AEBP2: variants seen among roughly 807,000 people sequenced by gnomAD.
The protein encoded by AEBP2 is zinc finger protein AEBP2.
A neutral mutation model predicts 50.8 loss-of-function variants in AEBP2; 10 were observed. The ratio of observed to expected loss-of-function variants is 0.20; its 90% CI spans 0.12 to 0.33. The LOEUF (loss-of-function observed/expected upper bound fraction) is 0.33. Ranked by LOEUF, AEBP2 falls within the 10% of genes least tolerant of loss-of-function variation. The pLI, the probability that AEBP2 is intolerant of heterozygous loss-of-function variation, is 1.00. For missense variants in AEBP2, 570 were observed against 688.0 expected (o/e 0.83, Z 1.92); for synonymous variants, 296 against 261.3 (o/e 1.13, Z -1.28).
At chr12:19,470,328 T>C (rs1434019464) in intron 2 of AEBP2, among the ~76,000 whole-genome samples, 1 of 152,130 alleles carries the variant, frequency 6.6e-6, no homozygotes, top group South Asian at 2.1e-4. Context: ...CGGCTAATTT[T>C]GTATTTTCAG....
chr12:19,519,672 A>G lies in AEBP2; in HGVS notation c.*1555A>G, dbSNP rs577972546. ...TTTACACTAAATTTTTTAAAGAAAT[A>G]TTAGACAAAAATATAGAATTAAAAC... On this transcript the variant is annotated 3_prime_UTR_variant, in exon 8 of 8. Transcript: ENST00000266508. The G allele has an allele frequency of 6.5e-6, 1 of 152,746 alleles. No individual in the cohort carries two copies. The highest frequency in any genetic ancestry group is 1.9e-4 in the East Asian group (1 of 5,192). The allele number at this position is 152,746 out of a possible 1,614,324, so 9.5% of individuals were successfully genotyped here.
At chr12:19,445,466 G>A (rs544558485) in intron 1 of AEBP2, among the ~76,000 whole-genome samples, 3 of 150,984 alleles carry the variant, frequency 2.0e-5, no homozygotes, top group Admixed American at 6.6e-5. Flanking sequence ...CGCTTGCCTC[G>A]GCCTCCCAAA....
intron 5 of AEBP2, among the ~76,000 whole-genome samples, chr12:19,511,211 T>A (rs991452785): frequency 2.0e-5 from 3 of 152,096 alleles, no homozygotes; most frequent in Non-Finnish European, 2.9e-5. Flanking sequence ...TAGAGTGGGA[T>A]TTGTTTTGTT....
intron 1 of AEBP2, 122 bp downstream of exon 1, chr12:19,440,492 C>T (rs992944704): frequency 7.1e-7 from 1 of 1,411,622 alleles, no homozygotes; most frequent in South Asian, 1.6e-5. Flanking sequence ...GCCCCTCCCC[C>T]AGACTCTCAA....
At chr12:19,488,658 A>G (rs1054842327) in intron 3 of AEBP2, among the ~76,000 whole-genome samples, 15 of 152,208 alleles carry the variant, frequency 9.9e-5, no homozygotes, top group Non-Finnish European at 1.0e-4. Context: ...GACTTCTGGG[A>G]ATATGAATAA....
Position 19,441,109 on chromosome 12 carries a change from A to G in AEBP2, c.671+739A>G, listed in dbSNP as rs560694724. 6.6e-5 allele frequency among the ~76,000 whole-genome samples: 10 copies of G among 152,378 alleles called. 1 individual carries two copies. The highest frequency in any genetic ancestry group is 1.9e-4 in the East Asian group (1 of 5,196). The stretch of plus-strand genomic sequence containing the variant: ...CGTAACAAAATACAGTCTTGAAGGT[A>G]CAACGTAGTTTGCGGCTTTATAGTA... On this transcript the variant is annotated intron_variant, in intron 1 of 7. Transcript: ENST00000266508.
chr12:19,462,756 G>T (rs772835264), intron 2 of AEBP2, 39 bp downstream of exon 2: 1 of 1,537,888 alleles, frequency 6.5e-7, no homozygotes, highest in South Asian at 1.2e-5. Context: ...CCCTGTTTTC[G>T]TTAGTTTTAT....
At chr12:19,413,647 G>A (rs1302755330) in intron 1 of AEBP2, among the ~76,000 whole-genome samples, 1 of 152,156 alleles carries the variant, frequency 6.6e-6, no homozygotes, top group East Asian at 1.9e-4. Context: ...GCCGCTGGTT[G>A]TCCATTTTTA....
chr12:19,484,392 A>T (rs1948776203), intron 3 of AEBP2, among the ~76,000 whole-genome samples: 1 of 149,526 alleles, frequency 6.7e-6, no homozygotes, highest in African/African-American at 2.5e-5. Flanking sequence ...TTTTTTTGAG[A>T]CGGAGTCTTG....
At chr12:19,444,595 G>T (rs1948025229) in intron 1 of AEBP2, among the ~76,000 whole-genome samples, 1 of 152,136 alleles carries the variant, frequency 6.6e-6, no homozygotes, top group South Asian at 2.1e-4. Flanking sequence ...TTCAATTTTT[G>T]AGTAGTATAT....
At chr12:19,404,758 C>T (rs750189762) in intron 1 of AEBP2, among the ~76,000 whole-genome samples, 51 of 152,026 alleles carry the variant, frequency 3.4e-4, no homozygotes, top group Non-Finnish European at 6.9e-4. Context: ...AAATTTAGAA[C>T]AAAGAATGCG....
intron 1 of AEBP2, among the ~76,000 whole-genome samples, chr12:19,410,236 A>T (rs7311977): frequency 0.56 from 85,009 of 152,026 alleles, 24,121 homozygotes; most frequent in Admixed American, 0.63. Context: ...AGCTGGAGCC[A>T]GTTGGATTTA....
Position 19,439,840 on chromosome 12 carries a change from G to T in AEBP2, c.141G>T (p.Glu47Asp), listed in dbSNP as rs201833548. ...EEEEEEEEEEEEAEAEAVAAL... is the reference protein window; with the variant it reads ...EEEEEEEEEEDEAEAEAVAAL... ...AGGAGGAAGAGGAGGAGGAGGAAGAGGAGGCGGAGGCCGAGGCGGTGGCGG... is the reference window on the plus strand; with the variant it reads ...AGGAGGAAGAGGAGGAGGAGGAAGATGAGGCGGAGGCCGAGGCGGTGGCGG... The change falls in exon 1 of 8, where the codon GAG becomes GAT. Residue 47 changes from glutamate to aspartate, a missense_variant. Physicochemically the swap from Glu to Asp is conservative, Grantham distance 45 (BLOSUM62 2). Around this residue, in one of 2 missense-constraint regions of AEBP2, gnomAD observed 386 missense variants for 336.8 expected, o/e 1.15. Coordinates refer to ENST00000266508, the MANE Select transcript of AEBP2 (RefSeq NM_153207.5). 2 of 1,497,186 alleles carry T rather than the reference G, an allele frequency of 1.3e-6. 1 individual carries two copies. Among genetic ancestry groups the T allele is most frequent in the South Asian group, 2.5e-5 (2 of 80,690 alleles). The allele number at this position is 1,497,186 out of a possible 1,614,324, so 92.7% of individuals were successfully genotyped here.
chr12:19,463,825 C>T (rs546331574), intron 2 of AEBP2, among the ~76,000 whole-genome samples: 42 of 152,036 alleles, frequency 2.8e-4, no homozygotes, highest in Non-Finnish European at 5.9e-5. Context: ...GCCACCATGC[C>T]TGGCTAATTT....
In AEBP2 at chr12:19,521,682, T is replaced by A. The variant is rs1949400954; in HGVS notation, c.*3565T>A. ...ATTGAAAACAGTATGTCAGTAAATC[T>A]TTGGCCTTAGTGCTTTTTTCCCCCT... On this transcript the variant is annotated 3_prime_UTR_variant, in exon 8 of 8. Transcript: ENST00000266508. The A allele has an allele frequency of 6.6e-6, 1 of 152,146 alleles. No individual in the cohort carries two copies. Among genetic ancestry groups the A allele is most frequent in the South Asian group, 2.1e-4 (1 of 4,834 alleles). 9.4% of individuals were successfully genotyped at this position (152,146 alleles called of 1,614,324 possible).
At chr12:19,457,847 A>G (rs1018667207) in intron 1 of AEBP2, among the ~76,000 whole-genome samples, 4 of 152,190 alleles carry the variant, frequency 2.6e-5, no homozygotes, top group Non-Finnish European at 4.4e-5. Context: ...GCAGTTAATA[A>G]TACTGAATGC....
chr12:19,440,937 T>C (rs756513598), intron 1 of AEBP2, among the ~76,000 whole-genome samples: 9 of 152,252 alleles, frequency 5.9e-5, no homozygotes, highest in Non-Finnish European at 1.2e-4. Flanking sequence ...GTCAGTCATG[T>C]GGTCTCCAAC....
chr12:19,498,651 ATGT>A lies in AEBP2; in HGVS notation c.1175-1445_1175-1443del, dbSNP rs1216673673. ...TCAATTACAGATCTTGAAAAATTAC[ATGT>A]ATTAGTAAGCTCCACAAATGTAAAA... On this transcript the variant is annotated intron_variant, in intron 4 of 7. Transcript: ENST00000266508. Among the ~76,000 whole-genome samples the A allele has an allele frequency of 5.3e-5, 8 of 152,306 alleles. No homozygotes were observed. The East Asian group carries it at 1.5e-3, about 29-fold the overall frequency.
intron 1 of AEBP2, among the ~76,000 whole-genome samples, chr12:19,453,259 G>A (rs1948199305): frequency 2.6e-5 from 4 of 151,722 alleles, no homozygotes; most frequent in Non-Finnish European, 4.4e-5. Context: ...GTGAGCCACC[G>A]TGCCCGGCCG....
Sources: allele counts gnomAD v4.1 joint callset (sites outside exome capture counted in the v4.1 genomes callset), GRCh38; gene constraint gnomAD v4.1.1; regional missense constraint gnomAD v4.1.1; transcripts MANE v1.5; gene names NCBI Gene and HGNC (gene_info 2026-07-23, HGNC 2026-07-21).